Variants in EPC2 observed in about 807,000 individuals in gnomAD.
The protein encoded by EPC2 is enhancer of polycomb 2, also known as enhancer of polycomb homolog 2.
EPC2 carries 14 observed loss-of-function variants against 92.1 expected under a neutral mutation model. The observed-to-expected ratio is 0.15, with a 90% CI of 0.10 to 0.24. The LOEUF (loss-of-function observed/expected upper bound fraction) is 0.24. EPC2 is among the 10% of genes least tolerant of loss of function. The pLI, the probability that EPC2 is intolerant of heterozygous loss-of-function variation, is 1.00. For synonymous variants in EPC2, 340 were observed against 334.7 expected, an observed-to-expected ratio of 1.02 and a Z score of -0.17; for missense variants, 755 against 971.5, an observed-to-expected ratio of 0.78 and a Z score of 2.96.
chr2:148,708,746 C>T (rs1205536702), intron 2 of EPC2, among the ~76,000 whole-genome samples: 2 of 152,116 alleles, frequency 1.3e-5, no homozygotes, highest in African/African-American at 2.4e-5. Context: ...ACAAAAACCA[C>T]GTGATTATCT....
At chr2:148,776,899 C>T (rs1250210416) in intron 10 of EPC2, among the ~76,000 whole-genome samples, 3 of 138,684 alleles carry the variant, frequency 2.2e-5, no homozygotes, top group Admixed American at 1.7e-4. Flanking sequence ...CTTGTTCTCT[C>T]GCCCACACTG....
intron 4 of EPC2, among the ~76,000 whole-genome samples, chr2:148,760,088 C>T (rs1428904595): frequency 6.6e-6 from 1 of 152,022 alleles, no homozygotes; most frequent in African/African-American, 2.4e-5. Context: ...TCTAAAAATA[C>T]AAAAAATAGC....
At chr2:148,691,319 G>T (rs1681639620) in intron 2 of EPC2, among the ~76,000 whole-genome samples, 2 of 152,160 alleles carry the variant, frequency 1.3e-5, no homozygotes, top group African/African-American at 4.8e-5. Flanking sequence ...AGAAATGTTG[G>T]ATAGCTTGTT....
chr2:148,735,569 T>C (rs1682733266), intron 2 of EPC2, among the ~76,000 whole-genome samples: 2 of 151,998 alleles, frequency 1.3e-5, no homozygotes, highest in Non-Finnish European at 2.9e-5. Context: ...ATAATAATAA[T>C]GAACGGTCAT....
At chr2:148,759,955 A>T (rs947814958) in intron 4 of EPC2, among the ~76,000 whole-genome samples, 4 of 152,050 alleles carry the variant, frequency 2.6e-5, no homozygotes, top group Non-Finnish European at 5.9e-5. Context: ...GCATAAAGAG[A>T]ACAGAGGCTG....
chr2:148,728,743 TA>T lies in EPC2; in HGVS notation c.314-14872del, dbSNP rs752830068. ...AGGCCTTTCCTCTTTTTTTTTTTTT[TA>T]AAAAAAGGCCGGGCACGGTAGCTCA... On this transcript the variant is annotated intron_variant, in intron 2 of 13. Transcript: ENST00000258484. Among the ~76,000 whole-genome samples, 491 of 146,036 alleles carry T rather than the reference TA, an allele frequency of 3.4e-3. 1 individual carries two copies. The highest frequency in any genetic ancestry group is 7.0e-3 in the Middle Eastern group (2 of 284).
chr2:148,663,411 G>T (rs182316279), intron 1 of EPC2, among the ~76,000 whole-genome samples: 1,796 of 150,926 alleles, frequency 0.012, 17 homozygotes, highest in Non-Finnish European at 0.02. Context: ...GTAGAGACAG[G>T]GTTTCACCAT....
At chr2:148,720,925 C>T (rs1048718819) in intron 2 of EPC2, among the ~76,000 whole-genome samples, 2 of 152,158 alleles carry the variant, frequency 1.3e-5, no homozygotes, top group African/African-American at 4.8e-5. Flanking sequence ...TGCTTCTAAT[C>T]GGCTGTCTTG....
At chr2:148,731,744 T>C (rs1362812113) in intron 2 of EPC2, among the ~76,000 whole-genome samples, 1 of 152,202 alleles carries the variant, frequency 6.6e-6, no homozygotes, top group Non-Finnish European at 1.5e-5. Context: ...TGTATAAACA[T>C]GGATATTGCT....
At chr2:148,752,227 T>C (rs972441970) in intron 3 of EPC2, among the ~76,000 whole-genome samples, 21 of 152,078 alleles carry the variant, frequency 1.4e-4, no homozygotes, top group Non-Finnish European at 7.4e-5. Context: ...GGTAACAAAA[T>C]TTTATCAGAA....
At chr2:148,730,291 T>G (rs1373179096) in intron 2 of EPC2, among the ~76,000 whole-genome samples, 1 of 152,192 alleles carries the variant, frequency 6.6e-6, no homozygotes, top group African/African-American at 2.4e-5. Flanking sequence ...GCAAAGGAGA[T>G]TATGGTGCTT....
chr2:148,681,402 A>G (rs1216466999), intron 1 of EPC2, among the ~76,000 whole-genome samples: 2 of 152,138 alleles, frequency 1.3e-5, no homozygotes, highest in African/African-American at 4.8e-5. Context: ...AGAAATAGTA[A>G]TTCATGTTGC....
At chr2:148,665,829 C>T (rs972701070) in intron 1 of EPC2, among the ~76,000 whole-genome samples, 2 of 151,900 alleles carry the variant, frequency 1.3e-5, no homozygotes, top group Non-Finnish European at 2.9e-5. Flanking sequence ...AGCTGTTTTT[C>T]AGGAGAAAAA....
At chr2:148,781,617 AT>A in intron 10 of EPC2, 26 bp from the exon 11 acceptor site, 1 of 1,596,306 alleles carries the variant, frequency 6.3e-7, no homozygotes, top group Non-Finnish European at 8.5e-7. Flanking sequence ...AAACGTACTC[AT>A]TTCCAAAATT....
At chr2:148,660,803 C>G (rs926650757) in intron 1 of EPC2, among the ~76,000 whole-genome samples, 2 of 151,620 alleles carry the variant, frequency 1.3e-5, no homozygotes, top group Non-Finnish European at 2.9e-5. Context: ...TACCTCCATC[C>G]TATTTGAATT....
chr2:148,671,467 A>G (rs1370554207), intron 1 of EPC2, among the ~76,000 whole-genome samples: 2 of 152,042 alleles, frequency 1.3e-5, no homozygotes, highest in African/African-American at 4.8e-5. Context: ...TATAAAAATT[A>G]GTCAGGCATG....
Position 148,783,691 on chromosome 2 carries a change from G to T in EPC2, c.1952G>T (p.Arg651Leu), listed in dbSNP as rs752235349. 4 of 1,595,912 alleles carry T rather than the reference G, an allele frequency of 2.5e-6. No individual in the cohort carries two copies. In the East Asian group the frequency reaches 9.0e-5, roughly 36 times the overall value. Reference sequence around the variant, plus strand: ...GTGGTCAGTGCACCTGTTCCAAGTCGCAGTGAGGTAGCCAAGGAACAGAAC... The same window carrying T: ...GTGGTCAGTGCACCTGTTCCAAGTCTCAGTGAGGTAGCCAAGGAACAGAAC... ...SAVVSAPVPS[R>L]SEVAKEQNTG... The change falls in exon 12 of 14, where the codon CGC becomes CTC. Residue 651 changes from arginine (R) to leucine (L), a missense_variant. This residue lies in a region of EPC2 where 207 missense variants were observed against 260.5 expected (regional missense o/e 0.79). Coordinates refer to ENST00000258484, the MANE Select transcript of EPC2 (RefSeq NM_015630.4).
chr2:148,657,884 T>TTGTG (rs35739873), intron 1 of EPC2, among the ~76,000 whole-genome samples: 6,194 of 149,706 alleles, frequency 0.041, 804 homozygotes, highest in East Asian at 0.39. Context: ...ATCACTCATT[T>TTGTG]TGTGTGTGTG....
At chr2:148,645,256 A>C in intron 1 of EPC2, 86 bp downstream of exon 1, 9 of 1,183,066 alleles carry the variant, frequency 7.6e-6, no homozygotes, top group Non-Finnish European at 8.2e-6. Context: ...AGAGCGCTTT[A>C]CGCTCGCTGG....
Sources: gnomAD v4.1 joint callset for allele counts (sites outside exome capture counted in the v4.1 genomes callset) on GRCh38, gnomAD v4.1.1 for gene constraint, gnomAD v4.1.1 regional missense constraint, MANE v1.5 for transcripts, NCBI Gene and HGNC (gene_info 2026-07-23, HGNC 2026-07-21) for gene names.